The following RPRD1A variants were observed in gnomAD, a reference collection of about 807,000 sequenced individuals.
RPRD1A encodes the protein regulation of nuclear pre-mRNA domain-containing protein 1A.
In RPRD1A, 9 loss-of-function variants were observed where a neutral mutation model predicts 37.8. The observed-to-expected ratio is 0.24, with a 90% CI of 0.14 to 0.42. RPRD1A has a LOEUF of 0.42. Ranked by LOEUF, RPRD1A falls within the 10% of genes least tolerant of loss-of-function variation. The pLI is 1.00. For synonymous variants in RPRD1A, 138 were observed against 139.7 expected, an observed-to-expected ratio of 0.99 and a Z score of 0.08; for missense variants, 255 against 371.0, an observed-to-expected ratio of 0.69 and a Z score of 2.57.
chr18:36,015,759 C>T (rs953321138), intron 6 of RPRD1A, among the ~76,000 whole-genome samples: 3 of 152,020 alleles, frequency 2.0e-5, no homozygotes, highest in African/African-American at 7.2e-5. Flanking sequence ...ATAAGGTATC[C>T]GGAATAGCCA....
intron 6 of RPRD1A, among the ~76,000 whole-genome samples, chr18:35,996,591 TACG>T (rs774614267): frequency 1.3e-5 from 2 of 152,234 alleles, no homozygotes; most frequent in African/African-American, 4.8e-5. Context: ...GGTCAAATGA[TACG>T]ACATTTGCTA....
intron 6 of RPRD1A, among the ~76,000 whole-genome samples, chr18:36,021,987 A>G (rs1316440334): frequency 1.3e-5 from 2 of 152,188 alleles, no homozygotes; most frequent in African/African-American, 2.4e-5. Context: ...GACAAGAGTG[A>G]CACAATATCT....
intron 6 of RPRD1A, among the ~76,000 whole-genome samples, chr18:36,017,087 C>T (rs2144229417): frequency 6.6e-6 from 1 of 152,150 alleles, no homozygotes; most frequent in South Asian, 2.1e-4. Context: ...AGGTGGATCA[C>T]CTACCTGAGC....
chr18:36,057,316 C>G (rs1568152351), intron 1 of RPRD1A, among the ~76,000 whole-genome samples: 1 of 151,492 alleles, frequency 6.6e-6, no homozygotes, highest in African/African-American at 2.4e-5. Flanking sequence ...AAACACTAAA[C>G]GTTTATCTAG....
intron 2 of RPRD1A, 136 bp downstream of exon 2, chr18:36,033,571 AG>A (rs1380563282): frequency 1.6e-6 from 1 of 618,112 alleles, no homozygotes; most frequent in Non-Finnish European, 2.5e-6. Context: ...TGCCATGTAG[AG>A]GGAAGTCTTT....
rs539576344 is a variant in RPRD1A at position 36,067,238 on chromosome 18, T to A, written c.151+16A>T. The A allele has an allele frequency of 1.5e-5, 23 of 1,566,144 alleles. No homozygotes were observed. Among genetic ancestry groups the A allele is most frequent in the Non-Finnish European group, 2.0e-5 (23 of 1,154,974 alleles). ...GCCGGGTGGTGGGAAGCGGCCGACA[T>A]AAGCGGTTGACTCACCTTTCCGCAG... On this transcript the variant is annotated intron_variant, in intron 1 of 6. Coordinates refer to ENST00000399022, the MANE Select transcript of RPRD1A (RefSeq NM_018170.5).
intron 1 of RPRD1A, among the ~76,000 whole-genome samples, chr18:36,063,488 T>C (rs920944810): frequency 6.6e-6 from 1 of 152,204 alleles, no homozygotes; most frequent in Non-Finnish European, 1.5e-5. Context: ...TTTTAAACAG[T>C]AGCTTCTCCC....
chr18:36,030,641 A>C (rs955198642), intron 4 of RPRD1A, among the ~76,000 whole-genome samples, 167 bp downstream of exon 4: 14 of 152,230 alleles, frequency 9.2e-5, no homozygotes, highest in Non-Finnish European at 7.3e-5. Flanking sequence ...AACATACTAC[A>C]TTTAACATAA....
intron 6 of RPRD1A, among the ~76,000 whole-genome samples, chr18:35,995,616 T>C (rs1909003489): frequency 1.3e-5 from 2 of 152,190 alleles, no homozygotes; most frequent in Admixed American, 6.5e-5. Context: ...TCATTGTAAT[T>C]TGATATTTGA....
At chr18:36,013,758 G>A (rs1166040165) in intron 6 of RPRD1A, among the ~76,000 whole-genome samples, 1 of 151,950 alleles carries the variant, frequency 6.6e-6, no homozygotes, top group Non-Finnish European at 1.5e-5. Context: ...GTAAAAAAAA[G>A]TTTTTTTACA....
intron 2 of RPRD1A, among the ~76,000 whole-genome samples, chr18:36,033,086 G>T (rs1317864450): frequency 2.0e-5 from 3 of 151,904 alleles, no homozygotes; most frequent in Admixed American, 2.0e-4. Flanking sequence ...GGTGGATCAC[G>T]AGGTCAGGAG....
Position 36,027,010 on chromosome 18 carries a change from T to C in RPRD1A, c.679A>G (p.Asn227Asp). 1 of 1,614,038 alleles carries C rather than the reference T, an allele frequency of 6.2e-7. No individual in the cohort carries two copies. The highest frequency in any genetic ancestry group is 8.5e-7 in the Non-Finnish European group (1 of 1,179,918). The change falls in exon 6 of 7, where the codon AAT (asparagine) becomes GAT (aspartate). Residue 227 changes from asparagine to aspartate, a missense_variant. Physicochemically the swap from Asn to Asp is conservative, Grantham distance 23. Coordinates refer to ENST00000399022, the MANE Select transcript of RPRD1A (RefSeq NM_018170.5). Reference sequence around the variant, plus strand: ...TCTATTTCTGCCGCCAATCTGCCATTGTAATCTGCCAGCAACATACACGCA... The same window carrying C: ...TCTATTTCTGCCGCCAATCTGCCATCGTAATCTGCCAGCAACATACACGCA... ...EDACMLLADY[N>D]GRLAAEIDDR...
intron 1 of RPRD1A, among the ~76,000 whole-genome samples, chr18:36,041,166 T>C (rs1167115406): frequency 6.6e-6 from 1 of 152,230 alleles, no homozygotes; most frequent in African/African-American, 2.4e-5. Flanking sequence ...AATTATCACC[T>C]ACACGGGCTC....
chr18:36,034,850 T>A (rs1912078413), intron 1 of RPRD1A, among the ~76,000 whole-genome samples: 1 of 152,196 alleles, frequency 6.6e-6, no homozygotes, highest in Non-Finnish European at 1.5e-5. Context: ...TATTAAAAAG[T>A]CACCTCTGAG....
At chr18:36,061,683 A>G (rs2051247785) in intron 1 of RPRD1A, among the ~76,000 whole-genome samples, 1 of 152,264 alleles carries the variant, frequency 6.6e-6, no homozygotes, top group Non-Finnish European at 1.5e-5. Flanking sequence ...CCTTCAAAGG[A>G]CACTATTAAG....
At chr18:36,006,263 C>A (rs1005301275) in intron 6 of RPRD1A, among the ~76,000 whole-genome samples, 1 of 152,152 alleles carries the variant, frequency 6.6e-6, no homozygotes, top group African/African-American at 2.4e-5. Context: ...ACTGCACTCC[C>A]AACCTCCCAG....
chr18:36,029,809 AC>A (rs1911638610), intron 4 of RPRD1A, among the ~76,000 whole-genome samples: 1 of 151,352 alleles, frequency 6.6e-6, no homozygotes, highest in African/African-American at 2.4e-5. Flanking sequence ...CTCTAACACT[AC>A]TTTTTTTTTT....
chr18:36,058,529 T>A (rs565132681), intron 1 of RPRD1A, among the ~76,000 whole-genome samples: 55 of 152,326 alleles, frequency 3.6e-4, no homozygotes, highest in Non-Finnish European at 6.6e-4. Context: ...CAACTTTTTT[T>A]AAAAAACCTT....
intron 6 of RPRD1A, among the ~76,000 whole-genome samples, chr18:36,016,435 C>G (rs7240841): frequency 0.094 from 14,258 of 152,196 alleles, 896 homozygotes; most frequent in Non-Finnish European, 0.13. Flanking sequence ...GTTGGTCAGG[C>G]TGGTCTTGAA....
Sources: gnomAD v4.1 joint callset for allele counts (sites outside exome capture counted in the v4.1 genomes callset) on GRCh38, gnomAD v4.1.1 for gene constraint, MANE v1.5 for transcripts, NCBI Gene and HGNC (gene_info 2026-07-23, HGNC 2026-07-21) for gene names.